Variants in ZC3H12D observed in about 807,000 individuals in gnomAD.
ZC3H12D encodes zinc finger CCCH-type containing 12D, also known as probable ribonuclease ZC3H12D.
Under a neutral mutation model 24.2 loss-of-function variants are expected in ZC3H12D, and 11 were observed. That is an observed-to-expected ratio of 0.46 (90% CI 0.29 to 0.75). ZC3H12D has a LOEUF of 0.75. Among genes scored for constraint, ZC3H12D ranks in the 30% least tolerant of loss-of-function variants. The pLI is 0.11. For synonymous variants in ZC3H12D, 333 were observed against 341.8 expected (o/e 0.97, Z 0.28); for missense variants, 740 against 767.7 (o/e 0.96, Z 0.43).
Position 149,447,630 on chromosome 6 carries a change from T to A in ZC3H12D, c.*3053A>T, listed in dbSNP as rs1269699811. On this transcript the variant is annotated 3_prime_UTR_variant, in exon 6 of 6. Transcript: ENST00000409806. Reference sequence around the variant, plus strand: ...AATTTGACAATAAAGAATCCAGGTGTGGTAAAAAATGATTTATTTTTGAAG... The same window carrying A: ...AATTTGACAATAAAGAATCCAGGTGAGGTAAAAAATGATTTATTTTTGAAG... The A allele has an allele frequency of 6.6e-6, 1 of 152,178 alleles. No individual in the cohort carries two copies. Among genetic ancestry groups the A allele is most frequent in the East Asian group, 1.9e-4 (1 of 5,196 alleles). 9.4% of individuals were successfully genotyped at this position (152,178 alleles called of 1,614,324 possible).
In ZC3H12D at chr6:149,474,619, G is replaced by C; in HGVS notation, c.-70-6C>G. The stretch of plus-strand genomic sequence containing the variant: ...CAGAGCCCTGCAGACATGAGCTAAA[G>C]AGAAAAAAAATGCATCCATCAGGTG... On this transcript the variant is annotated splice_region_variant and splice_polypyrimidine_tract_variant and intron_variant, in intron 1 of 5. Transcript: ENST00000409806. 1 of 1,317,732 alleles carries C rather than the reference G, an allele frequency of 7.6e-7. No homozygotes were observed. 81.6% of individuals were successfully genotyped at this position (1,317,732 alleles called of 1,614,324 possible). A position where few individuals can be genotyped will look rare whatever the true frequency, so the allele number is the denominator to read the frequency against.
chr6:149,452,776 A>C lies in ZC3H12D; in HGVS notation c.681-54T>G. On this transcript the variant is annotated intron_variant, in intron 4 of 5. Coordinates refer to ENST00000409806, the MANE Select transcript of ZC3H12D (RefSeq NM_207360.3). This position sits in a 1 kb window ranked among gnomAD's most constrained non-coding sequence, Gnocchi z 4.0. The stretch of plus-strand genomic sequence containing the variant: ...AGACCACCTGGGATTTGCCACCAGC[A>C]CCTGTACAAAGGGAGCAGGCCCAAG... The C allele has an allele frequency of 1.3e-6, 2 of 1,493,690 alleles. No individual in the cohort carries two copies. The highest frequency in any genetic ancestry group is 9.1e-7 in the Non-Finnish European group (1 of 1,103,854). 92.5% of individuals were successfully genotyped at this position (1,493,690 alleles called of 1,614,324 possible).
chr6:149,474,199 G>A (rs1776292792), intron 2 of ZC3H12D, 40 bp downstream of exon 2: 1 of 1,435,786 alleles, frequency 7.0e-7, no homozygotes, highest in Non-Finnish European at 9.2e-7. Flanking sequence ...CTGCGAACAG[G>A]GGCCTCCCCA....
At chr6:149,455,627 T>C (rs587155) in intron 4 of ZC3H12D, among the ~76,000 whole-genome samples, 36,195 of 152,108 alleles carry the variant, frequency 0.24, 5,645 homozygotes, top group East Asian at 0.72. Flanking sequence ...AGCCGGTTGG[T>C]CTGGGATGAA....
At chr6:149,478,671 T>C (rs1776379204) in intron 1 of ZC3H12D, among the ~76,000 whole-genome samples, 2 of 152,138 alleles carry the variant, frequency 1.3e-5, no homozygotes, top group Non-Finnish European at 1.5e-5. Context: ...GTTGACACCA[T>C]GTAGGTGACC....
chr6:149,470,842 C>T (rs1213121059), intron 2 of ZC3H12D, among the ~76,000 whole-genome samples: 1 of 152,224 alleles, frequency 6.6e-6, no homozygotes, highest in Non-Finnish European at 1.5e-5. Flanking sequence ...ATTTCAAGTG[C>T]TCGAACGTCA....
rs758135896 is a variant in ZC3H12D, at chr6:149,456,739, G to A, written c.607C>T (p.Leu203=). Residue 203 remains leucine, a synonymous_variant, in exon 4 of 6, where the codon CTG becomes TTG. Coordinates refer to ENST00000409806, the MANE Select transcript of ZC3H12D (RefSeq NM_207360.3). This position sits in a 1 kb window ranked among gnomAD's most constrained non-coding sequence, Gnocchi z 4.3. The stretch of plus-strand genomic sequence containing the variant: ...TTCCACTCGGGGTTCTCGCTCTGCA[G>A]GTCCCGGTAGTTGTCGTTGGAGACG... The part of the protein sequence containing the change: ...VIVSNDNYRD[L]QSENPEWKWF... The A allele has an allele frequency of 6.8e-6, 11 of 1,613,810 alleles. No homozygotes were observed. In the Admixed American group the frequency reaches 1.8e-4, roughly 27 times the overall value.
chr6:149,453,196 G>A (rs559254599), intron 4 of ZC3H12D, among the ~76,000 whole-genome samples: 3 of 151,934 alleles, frequency 2.0e-5, no homozygotes, highest in South Asian at 2.1e-4. Flanking sequence ...AGCTACTCGG[G>A]AGGCTGAGAT....
At chr6:149,477,258 C>G (rs910104164) in intron 1 of ZC3H12D, among the ~76,000 whole-genome samples, 2 of 152,264 alleles carry the variant, frequency 1.3e-5, no homozygotes, top group African/African-American at 4.8e-5. Context: ...CAGGGTCTGG[C>G]AGGTGAAGGG....
chr6:149,477,388 G>A (rs1776358644), intron 1 of ZC3H12D, among the ~76,000 whole-genome samples: 1 of 152,202 alleles, frequency 6.6e-6, no homozygotes, highest in Non-Finnish European at 1.5e-5. Context: ...ACTGACCCCA[G>A]GGGCACCAGC....
intron 2 of ZC3H12D, among the ~76,000 whole-genome samples, chr6:149,471,953 A>C (rs985452546): frequency 6.6e-6 from 1 of 152,252 alleles, no homozygotes; most frequent in African/African-American, 2.4e-5. Context: ...TGTCTGCAAT[A>C]CTACAAAACC....
intron 1 of ZC3H12D, among the ~76,000 whole-genome samples, chr6:149,482,232 G>A (rs545424932): frequency 1.1e-4 from 17 of 152,338 alleles, no homozygotes; most frequent in African/African-American, 4.1e-4. Flanking sequence ...TTCTAAATAC[G>A]GAAGAAGCGG....
chr6:149,481,474 C>T (rs1776424268), intron 1 of ZC3H12D, among the ~76,000 whole-genome samples: 1 of 151,306 alleles, frequency 6.6e-6, no homozygotes, highest in African/African-American at 2.4e-5. Flanking sequence ...TCCTGATTAT[C>T]AACCGATTCT....
In ZC3H12D at chr6:149,452,454, C is replaced by A. The variant is rs73779359; in HGVS notation, c.787+162G>T. ...GGCCAGGATGTCAGTTCTACAATAA[C>A]CCTGTCAGGAAAGTTAACTCTCCAG... On this transcript the variant is annotated intron_variant, in intron 5 of 5. Transcript: ENST00000409806. This position sits in a 1 kb window ranked among gnomAD's most constrained non-coding sequence, Gnocchi z 4.0. The A allele has an allele frequency of 0.024, 13,018 of 549,470 alleles. 454 individuals are homozygous for A. Among genetic ancestry groups the A allele is most frequent in the South Asian group, 0.1 (3,173 of 31,848 alleles). 34.0% of individuals were successfully genotyped at this position (549,470 alleles called of 1,614,324 possible).
rs776535773 is a variant in ZC3H12D, at chr6:149,474,219, A to G, written c.305+20T>C. Reference sequence around the variant, plus strand: ...AACAGGGGCCTCCCCAGCCCCAGCTACAGGATGAAGGGAAGCTACCTCATC... The same window carrying G: ...AACAGGGGCCTCCCCAGCCCCAGCTGCAGGATGAAGGGAAGCTACCTCATC... On this transcript the variant is annotated intron_variant, in intron 2 of 5. Transcript: ENST00000409806. 1.4e-6 allele frequency: 2 copies of G among 1,457,924 alleles called. No homozygotes were observed. The highest frequency in any genetic ancestry group is 1.8e-6 in the Non-Finnish European group (2 of 1,094,648). 90.3% of individuals were successfully genotyped at this position (1,457,924 alleles called of 1,614,324 possible).
chr6:149,459,742 T>G, intron 3 of ZC3H12D: 2 of 716,544 alleles, frequency 2.8e-6, no homozygotes, highest in Non-Finnish European at 5.2e-6. Context: ...GTTGACCTCC[T>G]AGAATAAAAC....
chr6:149,447,722 A>G lies in ZC3H12D; in HGVS notation c.*2961T>C, dbSNP rs1256871923. On this transcript the variant is annotated 3_prime_UTR_variant, in exon 6 of 6. Transcript: ENST00000409806. Reference sequence around the variant, plus strand: ...GTCCCATCTATGTTTTTCTGTCACAAAGACATATACTAAGACTTTGGAAAA... The same window carrying G: ...GTCCCATCTATGTTTTTCTGTCACAGAGACATATACTAAGACTTTGGAAAA... The G allele has an allele frequency of 6.6e-6, 1 of 152,228 alleles. No individual in the cohort carries two copies. The highest frequency in any genetic ancestry group is 1.5e-5 in the Non-Finnish European group (1 of 68,038). 9.4% of individuals were successfully genotyped at this position (152,228 alleles called of 1,614,324 possible).
At chr6:149,463,657 C>T (rs1440317285) in intron 2 of ZC3H12D, among the ~76,000 whole-genome samples, 4 of 152,152 alleles carry the variant, frequency 2.6e-5, no homozygotes, top group African/African-American at 4.8e-5. Context: ...TGTAGTGAGC[C>T]GAGATCGCGC....
At chr6:149,471,114 T>G (rs1214772838) in intron 2 of ZC3H12D, among the ~76,000 whole-genome samples, 1 of 152,256 alleles carries the variant, frequency 6.6e-6, no homozygotes, top group African/African-American at 2.4e-5. Flanking sequence ...ATGATGCCAG[T>G]AGTCCTGCTT....
Sources: allele counts gnomAD v4.1 joint callset (sites outside exome capture counted in the v4.1 genomes callset), GRCh38; gene constraint gnomAD v4.1.1; non-coding constraint Gnocchi (gnomAD v3.1); transcripts MANE v1.5; gene names NCBI Gene and HGNC (gene_info 2026-07-23, HGNC 2026-07-21).